Variants in ST18 observed in about 807,000 individuals in gnomAD.
ST18 encodes the protein suppression of tumorigenicity 18 protein.
ST18 carries 50 observed loss-of-function variants against 110.0 expected under a neutral mutation model. The ratio of observed to expected loss-of-function variants is 0.45; its 90% CI spans 0.36 to 0.58. The LOEUF (loss-of-function observed/expected upper bound fraction) is 0.58. Among genes scored for constraint, ST18 ranks in the 20% least tolerant of loss-of-function variants. The probability of loss-of-function intolerance (pLI) is 0.00; values close to 1 mark genes in which losing one functional copy is unlikely to be tolerated. For missense variants in ST18, 1,306 were observed against 1,280.1 expected (o/e 1.02, Z -0.31); for synonymous variants, 461 against 452.4 (o/e 1.02, Z -0.24).
chr8:52,192,257 T>G (rs1002752560), intron 8 of ST18, among the ~76,000 whole-genome samples: 1 of 152,158 alleles, frequency 6.6e-6, no homozygotes, highest in Admixed American at 6.5e-5. Flanking sequence ...AACCAACCAC[T>G]GGACCTTTCC....
At chr8:52,404,785 G>A (rs1843894848) in intron 2 of ST18, 1 of 152,162 alleles carries the variant, frequency 6.6e-6, no homozygotes, top group Non-Finnish European at 1.5e-5. Flanking sequence ...CAAAATTCTA[G>A]TGGGGGTTTA....
At chr8:52,392,244 G>A (rs1465300595) in intron 2 of ST18, among the ~76,000 whole-genome samples, 2 of 152,116 alleles carry the variant, frequency 1.3e-5, no homozygotes, top group African/African-American at 4.8e-5. Context: ...GAGTAGTTTT[G>A]ACAAATAGTT....
At chr8:52,202,634 G>C (rs1384699908) in intron 8 of ST18, among the ~76,000 whole-genome samples, 2 of 152,216 alleles carry the variant, frequency 1.3e-5, no homozygotes, top group Non-Finnish European at 2.9e-5. Context: ...GGGAGGTCAT[G>C]GGGACACTTC....
Position 52,178,645 on chromosome 8 carries a change from C to CAAA in ST18, c.277+1476_277+1477insTTT, listed in dbSNP as rs1563897561. On this transcript the variant is annotated intron_variant, in intron 9 of 25. Coordinates refer to ENST00000689386, the MANE Select transcript of ST18 (RefSeq NM_001352837.2). ...AAAAAAAAAAAAAAAAAAAAAAAACCACCAAAAACCAAAATAAAACAAACA... is the reference window on the plus strand; with the variant it reads ...AAAAAAAAAAAAAAAAAAAAAAAACCAAAACCAAAAACCAAAATAAAACAAACA... Among the ~76,000 whole-genome samples the CAAA allele has an allele frequency of 3.6e-3, 108 of 30,078 alleles. 23 individuals carry two copies. The highest frequency in any genetic ancestry group is 0.019 in the Middle Eastern group (1 of 52). The allele number at this position is 30,078 out of a possible 152,430, so 19.7% of individuals were successfully genotyped here. A position where few individuals can be genotyped will look rare whatever the true frequency, so the allele number is the denominator to read the frequency against.
At chr8:52,367,146 C>T (rs938081782) in intron 2 of ST18, among the ~76,000 whole-genome samples, 4 of 151,642 alleles carry the variant, frequency 2.6e-5, no homozygotes, top group African/African-American at 7.3e-5. Context: ...GCACCAGAAT[C>T]GCTTGAATCC....
intron 2 of ST18, among the ~76,000 whole-genome samples, chr8:52,349,765 G>A (rs1225421846): frequency 6.6e-6 from 1 of 152,126 alleles, no homozygotes; most frequent in Non-Finnish European, 1.5e-5. Flanking sequence ...CGCTCAAGCC[G>A]GGTAATGTGA....
At chr8:52,241,024 T>C (rs747279685) in intron 2 of ST18, among the ~76,000 whole-genome samples, 1 of 152,202 alleles carries the variant, frequency 6.6e-6, no homozygotes. Flanking sequence ...ACCTCTTCCT[T>C]CTGAATCTCC....
At chr8:52,166,087 G>T (rs973233707) in intron 11 of ST18, among the ~76,000 whole-genome samples, 10 of 152,176 alleles carry the variant, frequency 6.6e-5, no homozygotes, top group Non-Finnish European at 1.2e-4. Flanking sequence ...GGAGGACCAT[G>T]GTGACTGCTC....
At chr8:52,380,565 T>C (rs1430571987) in intron 2 of ST18, among the ~76,000 whole-genome samples, 1 of 152,130 alleles carries the variant, frequency 6.6e-6, no homozygotes, top group Admixed American at 6.5e-5. Flanking sequence ...TCCCTAGCAC[T>C]CCCTATATAT....
chr8:52,133,583 T>C (rs1356987265), intron 19 of ST18, among the ~76,000 whole-genome samples: 2 of 152,050 alleles, frequency 1.3e-5, no homozygotes, highest in Non-Finnish European at 2.9e-5. Flanking sequence ...AGTTGTTGTT[T>C]ATTGTACATT....
intron 2 of ST18, among the ~76,000 whole-genome samples, chr8:52,368,771 A>G (rs534341781): frequency 6.6e-6 from 1 of 152,396 alleles, no homozygotes; most frequent in South Asian, 2.1e-4. Context: ...CAACAACTGT[A>G]ACAGGATGAA....
Position 52,342,882 on chromosome 8 carries a change from T to C in ST18, c.-465+66446A>G, listed in dbSNP as rs144320283. On this transcript the variant is annotated intron_variant, in intron 2 of 25. Transcript: ENST00000689386. ...CTATATTACACAAGGCAATAATCTT[T>C]TTGGATGTTGACCTTTGTAAGTGTC... Among the ~76,000 whole-genome samples, 25 of 152,290 alleles carry C rather than the reference T, an allele frequency of 1.6e-4. No homozygotes were observed. The East Asian group carries it at 4.6e-3, about 28-fold the overall frequency.
intron 2 of ST18, among the ~76,000 whole-genome samples, chr8:52,323,748 G>T (rs1254875683): frequency 2.0e-5 from 3 of 152,158 alleles, no homozygotes; most frequent in Non-Finnish European, 4.4e-5. Flanking sequence ...AGGCTGGGTG[G>T]GGTGGCAGTG....
chr8:52,191,908 A>G (rs1024815050), intron 8 of ST18, among the ~76,000 whole-genome samples: 1 of 152,176 alleles, frequency 6.6e-6, no homozygotes, highest in Non-Finnish European at 1.5e-5. Flanking sequence ...CATGTGGGTG[A>G]ACTTAGGAGA....
At chr8:52,242,068 C>G (rs1348582329) in intron 2 of ST18, among the ~76,000 whole-genome samples, 1 of 152,112 alleles carries the variant, frequency 6.6e-6, no homozygotes, top group Non-Finnish European at 1.5e-5. Context: ...TAACTTGACT[C>G]TTTTTATTTA....
intron 2 of ST18, among the ~76,000 whole-genome samples, chr8:52,337,090 C>A (rs559955386): frequency 1.3e-5 from 2 of 152,318 alleles, no homozygotes; most frequent in East Asian, 3.9e-4. Context: ...TTGAAATATG[C>A]AGAAAACATT....
At chr8:52,239,528 G>C (rs572174044) in intron 2 of ST18, among the ~76,000 whole-genome samples, 1 of 152,150 alleles carries the variant, frequency 6.6e-6, no homozygotes, top group South Asian at 2.1e-4. Context: ...GAGAAGATGA[G>C]CCTAGATAAG....
Position 52,297,275 on chromosome 8 carries a change from C to T in ST18, c.-464-67198G>A, listed in dbSNP as rs538982179. Among the ~76,000 whole-genome samples, 239 of 152,322 alleles carry T rather than the reference C, an allele frequency of 1.6e-3. 2 individuals carry two copies. Among genetic ancestry groups the T allele is most frequent in the African/African-American group, 5.5e-3 (229 of 41,572 alleles). On this transcript the variant is annotated intron_variant, in intron 2 of 25. Coordinates refer to ENST00000689386, the MANE Select transcript of ST18 (RefSeq NM_001352837.2). ...GAAGTGTGTGACAGTGCCACAGCCC[C>T]CTTTCCTCATCTCTAAAACGGGGTG...
chr8:52,229,069 A>G (rs1238485927), intron 3 of ST18, among the ~76,000 whole-genome samples: 5 of 152,236 alleles, frequency 3.3e-5, no homozygotes, highest in Non-Finnish European at 7.3e-5. Flanking sequence ...CAACAAAATC[A>G]ATATTCCAAT....
Sources: allele counts gnomAD v4.1 joint callset (sites outside exome capture counted in the v4.1 genomes callset), GRCh38; gene constraint gnomAD v4.1.1; transcripts MANE v1.5; gene names NCBI Gene and HGNC (gene_info 2026-07-23, HGNC 2026-07-21).